Variants in UNC13A observed in about 807,000 individuals in gnomAD.
The protein encoded by UNC13A is protein unc-13 homolog A.
A neutral mutation model predicts 219.7 loss-of-function variants in UNC13A; 61 were observed. That is an observed-to-expected ratio of 0.28 (90% CI 0.23 to 0.34). The LOEUF (loss-of-function observed/expected upper bound fraction) is 0.34. Ranked by LOEUF, UNC13A falls within the 10% of genes least tolerant of loss-of-function variation. The pLI is 1.00. For synonymous variants in UNC13A, 920 were observed against 884.6 expected (o/e 1.04, Z -0.71); for missense variants, 1,476 against 2,270.3 (o/e 0.65, Z 7.11).
rs760679449 is a variant in UNC13A at position 17,668,206 on chromosome 19, T to C, written c.395-16A>G. The C allele has an allele frequency of 5.0e-6, 8 of 1,611,532 alleles. No individual in the cohort carries two copies. The highest frequency in any genetic ancestry group is 6.8e-6 in the Non-Finnish European group (8 of 1,178,802). ...TCAGGAATGTCTGCAAGCAGAGCCC[T>C]GTCTGTGAGCCTGGAAGACCCTCCC... On this transcript the variant is annotated splice_polypyrimidine_tract_variant and intron_variant, in intron 5 of 43. Coordinates refer to ENST00000519716, the MANE Select transcript of UNC13A (RefSeq NM_001080421.3).
Position 17,658,272 on chromosome 19 carries a change from G to A in UNC13A, c.560-3C>T, listed in dbSNP as rs1256299121. On this transcript the variant is annotated splice_region_variant and splice_polypyrimidine_tract_variant and intron_variant, in intron 8 of 43. Coordinates refer to ENST00000519716, the MANE Select transcript of UNC13A (RefSeq NM_001080421.3). ...CACTGCACTGTCGGGGTCATCGTCT[G>A]GAAGAGAGAGGCGGTATGGGAAGAG... 2 of 1,609,740 alleles carry A rather than the reference G, an allele frequency of 1.2e-6. No homozygotes were observed. The highest frequency in any genetic ancestry group is 1.7e-6 in the Non-Finnish European group (2 of 1,177,968).
chr19:17,611,639 T>A, intron 42 of UNC13A, 124 bp downstream of exon 42: 1 of 854,522 alleles, frequency 1.2e-6, no homozygotes, highest in Non-Finnish European at 1.9e-6. Flanking sequence ...GGTGGCCACC[T>A]TTGGACGTTT....
At chr19:17,669,042 C>G (rs2079723827) in intron 5 of UNC13A, among the ~76,000 whole-genome samples, 1 of 151,992 alleles carries the variant, frequency 6.6e-6, no homozygotes, top group African/African-American at 2.4e-5. Context: ...ATGATCCTCC[C>G]CCCTTGGCCT....
chr19:17,663,089 G>A (rs1054807964), intron 8 of UNC13A, among the ~76,000 whole-genome samples: 5 of 151,964 alleles, frequency 3.3e-5, no homozygotes, highest in East Asian at 1.9e-4. Context: ...CTGGCCTGCC[G>A]TTCTGTTAGA....
intron 1 of UNC13A, 79 bp downstream of exon 1, chr19:17,688,099 C>A: frequency 6.7e-7 from 1 of 1,491,910 alleles, no homozygotes; most frequent in South Asian, 1.3e-5. Context: ...CCAGGAACCC[C>A]CTGGGAGCCG....
chr19:17,618,863 TG>T, intron 39 of UNC13A, 42 bp downstream of exon 39: 2 of 1,606,214 alleles, frequency 1.2e-6, no homozygotes, highest in South Asian at 1.1e-5. Context: ...CACATGAGTT[TG>T]GGGGGCAGTC....
chr19:17,606,363 G>A lies in UNC13A; in HGVS notation c.4812-9C>T. On this transcript the variant is annotated splice_polypyrimidine_tract_variant and intron_variant, in intron 43 of 43. Coordinates refer to ENST00000519716, the MANE Select transcript of UNC13A (RefSeq NM_001080421.3). ...CGTCGGCGCTCAGCGTGCTGCGTGG[G>A]GAGGGGCGGAACGTGAGACAGGCCA... The A allele has an allele frequency of 6.5e-7, 1 of 1,541,060 alleles. No homozygotes were observed. Among genetic ancestry groups the A allele is most frequent in the Non-Finnish European group, 8.7e-7 (1 of 1,146,402 alleles).
At position 17,624,829 on chromosome 19, in the gene UNC13A, C is replaced by T. The variant is rs1199812769; in HGVS notation, c.4197G>A (p.Thr1399=). Reference sequence around the variant, plus strand: ...CCCTCGGGCCCCCTGCAGGTCTCACCGTCTGGTCAGTGAGGGGCGGCAGGA... The same window carrying T: ...CCCTCGGGCCCCCTGCAGGTCTCACTGTCTGGTCAGTGAGGGGCGGCAGGA... The part of the protein sequence containing the change: ...TIVLPPLTDQ[T]MIGNLLRKHG... Residue 1399 remains threonine (T), a splice_region_variant and synonymous_variant, in exon 35 of 44, where the codon ACG becomes ACA. Transcript: ENST00000519716. The T allele has an allele frequency of 1.9e-6, 3 of 1,612,742 alleles. No individual in the cohort carries two copies. Among genetic ancestry groups the T allele is most frequent in the Non-Finnish European group, 2.5e-6 (3 of 1,179,190 alleles).
chr19:17,656,164 C>A lies in UNC13A; in HGVS notation c.1002G>T (p.Glu334Asp). The A allele has an allele frequency of 6.4e-7, 1 of 1,552,326 alleles. No individual in the cohort carries two copies. Among genetic ancestry groups the A allele is most frequent in the Non-Finnish European group, 8.7e-7 (1 of 1,147,158 alleles). Residue 334 changes from glutamate to aspartate, a missense_variant, in exon 10 of 44, where the codon GAG becomes GAT. Physicochemically the swap from Glu to Asp is conservative, Grantham distance 45. Transcript: ENST00000519716. ...LEEDLEDFLE[E>D]EELPEDEEEL... ...CCTCCTCATCTTCAGGCAGCTCCTC[C>A]TCCTCCAGGAAGTCCTCCAGGTCCT... is the stretch of plus-strand genomic sequence containing the variant.
chr19:17,659,558 A>G (rs1443289396), intron 8 of UNC13A, among the ~76,000 whole-genome samples: 1 of 152,222 alleles, frequency 6.6e-6, no homozygotes, highest in East Asian at 1.9e-4. Context: ...ACTTGAGCCC[A>G]GGAGTTCAAG....
rs901916176 is a variant in UNC13A at position 17,674,461 on chromosome 19, T to G, written c.152+196A>C. Among the ~76,000 whole-genome samples, 7 of 152,102 alleles carry G rather than the reference T, an allele frequency of 4.6e-5. No homozygotes were observed. The highest frequency in any genetic ancestry group is 7.4e-5 in the Non-Finnish European group (5 of 68,016). On this transcript the variant is annotated intron_variant, in intron 3 of 43. Coordinates refer to ENST00000519716, the MANE Select transcript of UNC13A (RefSeq NM_001080421.3). The surrounding 1 kb of genome is among the most constrained non-coding windows in gnomAD (Gnocchi z 5.0). Reference sequence around the variant, plus strand: ...GGCTGGCGGGCAGCAGGGACTTGGCTGGTGGCTGCGGAGACCAAGGGAAGT... The same window carrying G: ...GGCTGGCGGGCAGCAGGGACTTGGCGGGTGGCTGCGGAGACCAAGGGAAGT...
intron 40 of UNC13A, among the ~76,000 whole-genome samples, 163 bp downstream of exon 40, chr19:17,618,258 G>T (rs908070705): frequency 6.6e-6 from 1 of 152,202 alleles, no homozygotes; most frequent in African/African-American, 2.4e-5. Context: ...GCTCCTTAAG[G>T]CTCCAGCATT....
intron 9 of UNC13A, among the ~76,000 whole-genome samples, chr19:17,657,404 C>T (rs73528016): frequency 0.034 from 5,132 of 152,270 alleles, 149 homozygotes; most frequent in African/African-American, 0.078. Flanking sequence ...AAATGCCCCC[C>T]ACTGTCTGGC....
Position 17,674,259 on chromosome 19 carries a change from G to A in UNC13A, c.152+398C>T, listed in dbSNP as rs1201332305. Among the ~76,000 whole-genome samples the A allele has an allele frequency of 2.6e-5, 4 of 152,360 alleles. No individual in the cohort carries two copies. The highest frequency in any genetic ancestry group is 1.9e-4 in the East Asian group (1 of 5,188). The stretch of plus-strand genomic sequence containing the variant: ...CTGGGGCAGGTGAGGGAGATAGAGC[G>A]AGAACCTGGTGGGAATCACGGGGAA... On this transcript the variant is annotated intron_variant, in intron 3 of 43. Coordinates refer to ENST00000519716, the MANE Select transcript of UNC13A (RefSeq NM_001080421.3). The surrounding 1 kb of genome is among the most constrained non-coding windows in gnomAD (Gnocchi z 5.0).
chr19:17,687,412 C>T (rs973755699), intron 1 of UNC13A, among the ~76,000 whole-genome samples: 1 of 152,138 alleles, frequency 6.6e-6, no homozygotes, highest in East Asian at 1.9e-4. Context: ...AAGTAGGCTC[C>T]CTGCCGAGAA....
chr19:17,665,746 G>A (rs946376575), intron 7 of UNC13A, among the ~76,000 whole-genome samples: 22 of 152,180 alleles, frequency 1.4e-4, no homozygotes, highest in African/African-American at 4.1e-4. Flanking sequence ...TGGGCTGCTC[G>A]GGGTTTGTGC....
chr19:17,662,835 G>C (rs771725597), intron 8 of UNC13A, among the ~76,000 whole-genome samples: 6 of 151,788 alleles, frequency 4.0e-5, no homozygotes, highest in Non-Finnish European at 8.8e-5. Flanking sequence ...CAGGAGAATG[G>C]CGTGAACCCT....
chr19:17,681,732 TG>T (rs1219957205), intron 1 of UNC13A, among the ~76,000 whole-genome samples: 2 of 152,172 alleles, frequency 1.3e-5, no homozygotes, highest in Non-Finnish European at 2.9e-5. Context: ...AGCTAAGAGC[TG>T]TCCCCCAGAG....
At chr19:17,636,673 A>G (rs1001580107) in intron 25 of UNC13A, among the ~76,000 whole-genome samples, 1 of 152,200 alleles carries the variant, frequency 6.6e-6, no homozygotes, top group Non-Finnish European at 1.5e-5. Context: ...ACTCGAACTC[A>G]ACTCTACCCA....
Sources: allele counts gnomAD v4.1 joint callset (sites outside exome capture counted in the v4.1 genomes callset), GRCh38; gene constraint gnomAD v4.1.1; non-coding constraint Gnocchi (gnomAD v3.1); transcripts MANE v1.5; gene names NCBI Gene and HGNC (gene_info 2026-07-23, HGNC 2026-07-21).